The following POTEI variants were observed in gnomAD, a reference collection of about 807,000 sequenced individuals.
POTEI encodes POTE ankyrin domain family member I, also known as POTE ankyrin domain family, member I.
Under a neutral mutation model 43.4 loss-of-function variants are expected in POTEI, and 14 were observed. The observed-to-expected ratio is 0.32, with a 90% CI of 0.21 to 0.50. POTEI has a LOEUF of 0.50. Ranked by LOEUF, POTEI falls within the 20% of genes least tolerant of loss-of-function variation. The pLI is 0.98. For synonymous variants in POTEI, 95 were observed against 297.9 expected (o/e 0.32, Z 7.01); for missense variants, 235 against 795.4 (o/e 0.30, Z 8.47).
chr2:130,492,745 A>G (rs1472172778), intron 6 of POTEI, among the ~76,000 whole-genome samples: 1 of 128,616 alleles, frequency 7.8e-6, no homozygotes, highest in Non-Finnish European at 1.7e-5. Context: ...ATAAGAAGTC[A>G]GAGAAATTAT....
chr2:130,509,387 A>G, upstream of POTEI: 1 of 369,018 alleles, frequency 2.7e-6, no homozygotes. Flanking sequence ...AGGTAAGCCC[A>G]ACCCACCCCA....
chr2:130,507,484 A>T (rs1417378436), intron 1 of POTEI, among the ~76,000 whole-genome samples: 3 of 61,448 alleles, frequency 4.9e-5, no homozygotes, highest in African/African-American at 7.0e-5. Context: ...CTCCTTTTGT[A>T]TGTTTAAAAT....
chr2:130,477,846 C>T (rs1384138775), intron 10 of POTEI, among the ~76,000 whole-genome samples: 4 of 144,332 alleles, frequency 2.8e-5, no homozygotes, highest in Non-Finnish European at 6.0e-5. Context: ...GACGGCATAC[C>T]ATGCAGCAGC....
intron 6 of POTEI, among the ~76,000 whole-genome samples, chr2:130,491,779 G>A (rs1454399622): frequency 7.7e-4 from 81 of 105,650 alleles, no homozygotes; most frequent in Admixed American, 2.0e-3. Context: ...CTCAGTCTCC[G>A]GAGAAGCTGG....
At chr2:130,492,969 G>T (rs1385950924) in intron 6 of POTEI, among the ~76,000 whole-genome samples, 1 of 150,866 alleles carries the variant, frequency 6.6e-6, no homozygotes, top group East Asian at 2.0e-4. Context: ...TTAAATACTA[G>T]CCTATACAAA....
Position 130,478,826 on chromosome 2 carries a change from T to C in POTEI, c.1481-2125A>G, listed in dbSNP as rs1367874754. ...TTTCTGTCACGGACGATGATGCACA[T>C]GGACATTTATTACTGACTTTCAGAT... On this transcript the variant is annotated intron_variant, in intron 10 of 14. Coordinates refer to ENST00000451531, the MANE Select transcript of POTEI (RefSeq NM_001277406.2). 1.4e-4 allele frequency among the ~76,000 whole-genome samples: 5 copies of C among 35,102 alleles called. 2 individuals carry two copies. The highest frequency in any genetic ancestry group is 1.6e-4 in the Non-Finnish European group (3 of 18,858). 23.0% of individuals were successfully genotyped at this position (35,102 alleles called of 152,430 possible).
rs543731565 is a variant in POTEI at position 130,459,932 on chromosome 2, T to C, written c.*2884A>G. ...TTTCTTTAATGGCAGTTGATGTGGGTTGGGGTGTGTGCTGCACTCCTGTGT... is the reference window on the plus strand; with the variant it reads ...TTTCTTTAATGGCAGTTGATGTGGGCTGGGGTGTGTGCTGCACTCCTGTGT... On this transcript the variant is annotated 3_prime_UTR_variant, in exon 15 of 15. Coordinates refer to ENST00000451531, the MANE Select transcript of POTEI (RefSeq NM_001277406.2). 1 of 145,346 alleles carries C rather than the reference T, an allele frequency of 6.9e-6. No homozygotes were observed. The highest frequency in any genetic ancestry group is 2.8e-5 in the African/African-American group (1 of 35,290). 9.0% of individuals were successfully genotyped at this position (145,346 alleles called of 1,614,324 possible).
At chr2:130,469,976 TAGTGAATA>T (rs1683000579) in intron 13 of POTEI, among the ~76,000 whole-genome samples, 1 of 43,816 alleles carries the variant, frequency 2.3e-5, no homozygotes, top group Admixed American at 3.1e-4. Context: ...AGTAAAAGAA[TAGTGAATA>T]ACCACAATAT....
chr2:130,461,550 A>G lies in POTEI; in HGVS notation c.*1266T>C, dbSNP rs1419707334. The G allele has an allele frequency of 2.0e-5, 3 of 152,220 alleles. No individual in the cohort carries two copies. The highest frequency in any genetic ancestry group is 4.4e-5 in the Non-Finnish European group (3 of 68,048). The allele number at this position is 152,220 out of a possible 1,614,324, so 9.4% of individuals were successfully genotyped here. ...GGGCTCTCCAAAGCCCGCAGGCCAG[A>G]ATGGCTAGTCACCGAAAGAGCAAAG... On this transcript the variant is annotated 3_prime_UTR_variant, in exon 15 of 15. Transcript: ENST00000451531.
chr2:130,492,859 G>C (rs1344813397), intron 6 of POTEI, among the ~76,000 whole-genome samples: 1 of 148,358 alleles, frequency 6.7e-6, no homozygotes, highest in South Asian at 2.2e-4. Flanking sequence ...ATAAAGCAAA[G>C]AAACCACATT....
At chr2:130,501,925 T>G (rs1684068011) in intron 3 of POTEI, among the ~76,000 whole-genome samples, 1 of 4,204 alleles carries the variant, frequency 2.4e-4, no homozygotes, top group Admixed American at 5.4e-3. Flanking sequence ...CAGATTAATG[T>G]TATTGGAAAG....
Position 130,509,151 on chromosome 2 carries a change from G to C in POTEI, c.85C>G (p.Arg29Gly), listed in dbSNP as rs200614085. 2.1e-6 allele frequency: 3 copies of C among 1,462,346 alleles called. No individual in the cohort carries two copies. The South Asian group carries it at 3.5e-5, about 17-fold the overall frequency. 90.6% of individuals were successfully genotyped at this position (1,462,346 alleles called of 1,614,324 possible). A position where few individuals can be genotyped will look rare whatever the true frequency, so the allele number is the denominator to read the frequency against. ...CCCCTGCAGCAGGGGAAGCAGTGGC[G>C]GCACCACTTGCCCATCTTGCTCCTG... ...VLRSKMGKWC[R>G]HCFPCCRGSG... is the part of the protein sequence containing the mutation. Residue 29 changes from arginine (R) to glycine (G), a missense_variant, in exon 1 of 15, where the codon CGC becomes GGC. Physicochemically the swap from Arg to Gly is moderately radical, Grantham distance 125 (BLOSUM62 -2). Transcript: ENST00000451531.
chr2:130,480,103 C>T (rs1322046579), intron 10 of POTEI, among the ~76,000 whole-genome samples: 1 of 44,234 alleles, frequency 2.3e-5, no homozygotes, highest in African/African-American at 8.4e-5. Flanking sequence ...TTTGGAGCTG[C>T]TGCGGATTAG....
chr2:130,507,312 ATATATACACACACAC>A (rs1684199597), intron 1 of POTEI, among the ~76,000 whole-genome samples: 2 of 7,368 alleles, frequency 2.7e-4, no homozygotes, highest in South Asian at 0.048. Flanking sequence ...ATATATATAT[ATATATACACACACAC>A]ACACACACAC....
intron 13 of POTEI, among the ~76,000 whole-genome samples, chr2:130,470,850 GA>G (rs1471104419): frequency 4.6e-4 from 2 of 4,310 alleles, no homozygotes; most frequent in African/African-American, 5.0e-4. Flanking sequence ...AATATCTGGG[GA>G]AAAAGCATTC....
At chr2:130,483,449 G>A (rs958620076) in intron 9 of POTEI, among the ~76,000 whole-genome samples, 2 of 142,968 alleles carry the variant, frequency 1.4e-5, no homozygotes, top group Non-Finnish European at 3.0e-5. Context: ...TACTATTAAA[G>A]CATAAATAGT....
chr2:130,477,294 CA>C (rs1368554752), intron 10 of POTEI, among the ~76,000 whole-genome samples: 2 of 145,882 alleles, frequency 1.4e-5, no homozygotes, highest in African/African-American at 5.1e-5. Flanking sequence ...ACTGTGATTA[CA>C]GGCAAGCACC....
intron 10 of POTEI, among the ~76,000 whole-genome samples, chr2:130,479,199 T>C (rs1281394613): frequency 6.7e-6 from 1 of 148,380 alleles, no homozygotes; most frequent in Non-Finnish European, 1.5e-5. Context: ...CCACTGCCAC[T>C]GGGAACATAA....
At chr2:130,509,458 C>G (rs1424353203), upstream of POTEI, 5 of 296,772 alleles carry the variant, frequency 1.7e-5, no homozygotes, top group African/African-American at 2.7e-4. Context: ...AGGGCCAACC[C>G]CCCCCCCCAA....
Sources: allele counts gnomAD v4.1 joint callset (sites outside exome capture counted in the v4.1 genomes callset), GRCh38; gene constraint gnomAD v4.1.1; transcripts MANE v1.5; gene names NCBI Gene and HGNC (gene_info 2026-07-23, HGNC 2026-07-21).